Variants in COL25A1 observed in about 807,000 individuals in gnomAD.
COL25A1 encodes collagen type XXV alpha 1 chain.
A neutral mutation model predicts 128.4 loss-of-function variants in COL25A1; 103 were observed. That is an observed-to-expected ratio of 0.80 (90% CI 0.68 to 0.94). The LOEUF (loss-of-function observed/expected upper bound fraction) is 0.94, where lower values mean the gene tolerates loss of function less well. Among genes scored for constraint, COL25A1 ranks in the 40% least tolerant of loss-of-function variants. COL25A1 has a pLI of 0.00. For missense variants in COL25A1, 745 were observed against 840.0 expected (o/e 0.89, Z 1.40); for synonymous variants, 279 against 277.2 (o/e 1.01, Z -0.06).
At chr4:109,003,134 G>C (rs1755617832) in intron 6 of COL25A1, among the ~76,000 whole-genome samples, 1 of 152,150 alleles carries the variant, frequency 6.6e-6, no homozygotes, top group Admixed American at 6.6e-5. Context: ...ATTAAACTAA[G>C]AGCTTCTGCA....
At chr4:109,094,194 A>C (rs1213947154) in intron 3 of COL25A1, among the ~76,000 whole-genome samples, 2 of 152,226 alleles carry the variant, frequency 1.3e-5, no homozygotes, top group African/African-American at 4.8e-5. Flanking sequence ...CTCCATTGTC[A>C]GTTGCATAAA....
intron 24 of COL25A1, among the ~76,000 whole-genome samples, chr4:108,854,819 C>A (rs1736281489): frequency 6.6e-6 from 1 of 152,126 alleles, no homozygotes; most frequent in African/African-American, 2.4e-5. Flanking sequence ...CCTCAAGGAT[C>A]TAGAACTAGC....
At chr4:109,070,121 TG>T (rs1171635438) in intron 3 of COL25A1, among the ~76,000 whole-genome samples, 3 of 151,660 alleles carry the variant, frequency 2.0e-5, no homozygotes, top group African/African-American at 7.3e-5. Context: ...TAGCCGGGCA[TG>T]GGGTGTATGC....
At position 109,023,875 on chromosome 4, in the gene COL25A1, G is replaced by A. The variant is rs12510000; in HGVS notation, c.421-13500C>T. ...CAACAAGTGTAATGCCCTTCTACTC[G>A]CTATTCTCAAGCCTCTCAGAAGAGA... On this transcript the variant is annotated intron_variant, in intron 5 of 37. Coordinates refer to ENST00000399132, the MANE Select transcript of COL25A1 (RefSeq NM_198721.4). 8.9e-4 allele frequency among the ~76,000 whole-genome samples: 135 copies of A among 152,210 alleles called. 8 individuals are homozygous for A. Among genetic ancestry groups the A allele is most frequent in the Admixed American group, 8.4e-3 (129 of 15,276 alleles).
At chr4:109,050,974 C>A (rs1181997603) in intron 3 of COL25A1, among the ~76,000 whole-genome samples, 7 of 151,832 alleles carry the variant, frequency 4.6e-5, no homozygotes, top group Non-Finnish European at 8.8e-5. Flanking sequence ...GGCTTTCAAG[C>A]CATTATTCTC....
chr4:108,959,357 A>G lies in COL25A1; in HGVS notation c.492+15010T>C, dbSNP rs1159044383. On this transcript the variant is annotated intron_variant, in intron 8 of 37. Coordinates refer to ENST00000399132, the MANE Select transcript of COL25A1 (RefSeq NM_198721.4). ...AAAAATGAAATGTATCTACTACCAA[A>G]ATCTGGTTCACAGGTTACCAGTTTG... Among the ~76,000 whole-genome samples the G allele has an allele frequency of 6.0e-3, 915 of 152,204 alleles. 6 individuals carry two copies. Among genetic ancestry groups the G allele is most frequent in the African/African-American group, 0.021 (865 of 41,552 alleles).
intron 3 of COL25A1, among the ~76,000 whole-genome samples, chr4:109,125,406 G>C (rs1480297427): frequency 6.6e-6 from 1 of 152,140 alleles, no homozygotes; most frequent in Non-Finnish European, 1.5e-5. Flanking sequence ...ACAGCTGGCA[G>C]GGTGCTGAAC....
At chr4:109,187,981 A>T (rs886935999) in intron 3 of COL25A1, among the ~76,000 whole-genome samples, 1 of 152,214 alleles carries the variant, frequency 6.6e-6, no homozygotes, top group African/African-American at 2.4e-5. Flanking sequence ...GGCACCCTCC[A>T]AAAGGAGATA....
chr4:108,843,098 A>G lies in COL25A1; in HGVS notation c.1630-1377T>C, dbSNP rs571697386. Among the ~76,000 whole-genome samples, 8 of 140,884 alleles carry G rather than the reference A, an allele frequency of 5.7e-5. No homozygotes were observed. In the East Asian group the frequency reaches 1.9e-3, roughly 33 times the overall value. The allele number at this position is 140,884 out of a possible 152,430, so 92.4% of individuals were successfully genotyped here. A position where few individuals can be genotyped will look rare whatever the true frequency, so the allele number is the denominator to read the frequency against. ...TAGGAGGTAGAGGTTGCAGTGAGCC[A>G]TGATCGTGCCACTGTACTCCAGCCT... On this transcript the variant is annotated intron_variant, in intron 30 of 37. Transcript: ENST00000399132.
At chr4:109,167,768 A>G (rs1033917648) in intron 3 of COL25A1, among the ~76,000 whole-genome samples, 6 of 152,144 alleles carry the variant, frequency 3.9e-5, no homozygotes, top group African/African-American at 1.2e-4. Context: ...AGAAAAGACT[A>G]GCATTGAACA....
chr4:109,094,945 T>C (rs534933606), intron 3 of COL25A1, among the ~76,000 whole-genome samples: 60 of 152,342 alleles, frequency 3.9e-4, no homozygotes, highest in African/African-American at 1.4e-3. Context: ...TGCATTTGAA[T>C]AATTGGTCTA....
At chr4:108,994,936 C>T (rs1171047314) in intron 6 of COL25A1, among the ~76,000 whole-genome samples, 1 of 152,180 alleles carries the variant, frequency 6.6e-6, no homozygotes, top group African/African-American at 2.4e-5. Flanking sequence ...ACAAAAAGGA[C>T]ATCCACACCA....
At chr4:108,860,420 C>G (rs1737060835) in intron 23 of COL25A1, among the ~76,000 whole-genome samples, 1 of 152,096 alleles carries the variant, frequency 6.6e-6, no homozygotes, top group African/African-American at 2.4e-5. Flanking sequence ...GAACATTGTT[C>G]TGTAGAAAAA....
At chr4:109,145,010 T>G (rs932563504) in intron 3 of COL25A1, among the ~76,000 whole-genome samples, 1 of 150,920 alleles carries the variant, frequency 6.6e-6, no homozygotes, top group African/African-American at 2.4e-5. Flanking sequence ...TCCTATAAAA[T>G]CCAGTGACTC....
chr4:109,202,722 TTATC>T (rs1776658551), intron 3 of COL25A1, among the ~76,000 whole-genome samples: 1 of 152,176 alleles, frequency 6.6e-6, no homozygotes, highest in Non-Finnish European at 1.5e-5. Context: ...ACAAAATAGA[TTATC>T]TATCGATCAA....
rs749747603 is a variant in COL25A1 at position 108,832,410 on chromosome 4, G to A, written c.1680C>T (p.Pro560=). 6.2e-7 allele frequency: 1 copy of A among 1,610,660 alleles called. No individual in the cohort carries two copies. Among genetic ancestry groups the A allele is most frequent in the Admixed American group, 1.7e-5 (1 of 59,634 alleles). The part of the protein sequence containing the change: ...GPKGTDGPMG[P]HGPAGPKGER... ...CTCCTTTGGGACCTGCAGGGCCATGGGGTCCCATAGGACCATCTGTACCCT... is the reference window on the plus strand; with the variant it reads ...CTCCTTTGGGACCTGCAGGGCCATGAGGTCCCATAGGACCATCTGTACCCT... The change falls in exon 32 of 38, where the codon CCC becomes CCT. Residue 560 remains proline (P), a synonymous_variant. Transcript: ENST00000399132.
intron 16 of COL25A1, among the ~76,000 whole-genome samples, chr4:108,894,397 A>G (rs1391753040): frequency 2.0e-5 from 3 of 152,072 alleles, no homozygotes; most frequent in Non-Finnish European, 4.4e-5. Flanking sequence ...GGTGTAGAAT[A>G]TTTCCTTTCT....
chr4:109,252,754 G>C (rs190486783), intron 3 of COL25A1, among the ~76,000 whole-genome samples: 1 of 152,232 alleles, frequency 6.6e-6, no homozygotes, highest in East Asian at 1.9e-4. Flanking sequence ...TTACAACCAG[G>C]TGCACAGCTT....
Position 108,852,932 on chromosome 4 carries a change from G to T in COL25A1, c.1321-7C>A. On this transcript the variant is annotated splice_region_variant and splice_polypyrimidine_tract_variant and intron_variant, in intron 24 of 37. Coordinates refer to ENST00000399132, the MANE Select transcript of COL25A1 (RefSeq NM_198721.4). Reference sequence around the variant, plus strand: ...CAGTTAAGGTGGTAATCCTCTGTTGGGAAAATGTGTTGACAAAGACAGAGT... The same window carrying T: ...CAGTTAAGGTGGTAATCCTCTGTTGTGAAAATGTGTTGACAAAGACAGAGT... 6.2e-7 allele frequency: 1 copy of T among 1,608,786 alleles called. No homozygotes were observed. Among genetic ancestry groups the T allele is most frequent in the Non-Finnish European group, 8.5e-7 (1 of 1,176,960 alleles).
Sources: allele counts gnomAD v4.1 joint callset (sites outside exome capture counted in the v4.1 genomes callset), GRCh38; gene constraint gnomAD v4.1.1; transcripts MANE v1.5; gene names NCBI Gene and HGNC (gene_info 2026-07-23, HGNC 2026-07-21).